MYH13: variants seen among roughly 807,000 people sequenced by gnomAD.
MYH13 encodes myosin-13.
In MYH13, 177 loss-of-function variants were observed where a neutral mutation model predicts 232.1. The observed-to-expected ratio is 0.76, with a 90% CI of 0.67 to 0.86. The LOEUF is 0.86. Among genes scored for constraint, MYH13 ranks in the 40% least tolerant of loss-of-function variants. The pLI, the probability that MYH13 is intolerant of heterozygous loss-of-function variation, is 0.00. For missense variants in MYH13, 2,246 were observed against 2,405.9 expected, an observed-to-expected ratio of 0.93 and a Z score of 1.39; for synonymous variants, 884 against 923.5, an observed-to-expected ratio of 0.96 and a Z score of 0.78.
chr17:10,360,266 T>C (rs2071781924), intron 5 of MYH13, 78 bp from the exon 6 acceptor site: 2 of 1,500,686 alleles, frequency 1.3e-6, no homozygotes, highest in Non-Finnish European at 1.8e-6. Context: ...TTGGGGGTGG[T>C]TGGAGAACAT....
At chr17:10,316,375 C>T (rs541519516) in intron 27 of MYH13, among the ~76,000 whole-genome samples, 3 of 152,056 alleles carry the variant, frequency 2.0e-5, no homozygotes, top group South Asian at 4.2e-4. Context: ...GCAGGAGAAT[C>T]GCTTGAACTC....
At chr17:10,364,889 T>C (rs938399920) in intron 2 of MYH13, among the ~76,000 whole-genome samples, 1 of 152,050 alleles carries the variant, frequency 6.6e-6, no homozygotes, top group Non-Finnish European at 1.5e-5. Context: ...TCTTTCTTTC[T>C]TTTGAGACAG....
chr17:10,328,189 C>T, intron 21 of MYH13, 68 bp from the exon 22 acceptor site: 2 of 1,537,618 alleles, frequency 1.3e-6, no homozygotes, highest in Non-Finnish European at 1.8e-6. Context: ...CCAACCTGTC[C>T]CCGACGGACC....
rs193198353 is a variant in MYH13 at position 10,313,368 on chromosome 17, C to T, written c.3985-14G>A. ...GGCGTTCTTGGCCTGGGAATGACAGCGGTGACAAATTGCAAAAACATTTGA... is the reference window on the plus strand; with the variant it reads ...GGCGTTCTTGGCCTGGGAATGACAGTGGTGACAAATTGCAAAAACATTTGA... On this transcript the variant is annotated splice_polypyrimidine_tract_variant and intron_variant, in intron 29 of 40. Transcript: ENST00000252172. 1.3e-4 allele frequency: 205 copies of T among 1,614,140 alleles called. 1 individual carries two copies. In the East Asian group the frequency reaches 4.0e-3, roughly 32 times the overall value.
rs760749244 is a variant in MYH13 at position 10,327,890 on chromosome 17, ATTC to A, written c.2664_2666del (p.Lys888del). Reference sequence around the variant, plus strand: ...CAGACTGGACCTGCAATTGGAGGTCATTCTTCTCCTGCAGGAGGGAGACCATTT... The same window carrying A: ...CAGACTGGACCTGCAATTGGAGGTCATTCTCCTGCAGGAGGGAGACCATTT... On this transcript the variant is annotated inframe_deletion, in exon 22 of 41. Transcript: ENST00000252172. 3.1e-6 allele frequency: 5 copies of A among 1,613,304 alleles called. No individual in the cohort carries two copies. Among genetic ancestry groups the A allele is most frequent in the South Asian group, 1.1e-5 (1 of 90,986 alleles).
In MYH13 at chr17:10,306,532, T is replaced by C. The variant is rs1597882095; in HGVS notation, c.5393A>G (p.Gln1798Arg). The C allele has an allele frequency of 6.2e-7, 1 of 1,614,122 alleles. No individual in the cohort carries two copies. The change falls in exon 37 of 41, where the codon CAG (glutamine) becomes CGG (arginine). Residue 1798 changes from glutamine (Q) to arginine (R), a missense_variant. By Grantham distance (43) the Gln-to-Arg change is conservative. Coordinates refer to ENST00000252172, the MANE Select transcript of MYH13 (RefSeq NM_003802.3). The surrounding 1 kb of genome is among the most constrained non-coding windows in gnomAD (Gnocchi z 4.3). ...TTGTTCAGCCTCATCTAGACGGTGCTGCAGGTCCTTCACCGTCTGCTCCAG... is the reference window on the plus strand; with the variant it reads ...TTGTTCAGCCTCATCTAGACGGTGCCGCAGGTCCTTCACCGTCTGCTCCAG... Reference protein sequence around the residue: ...KNLEQTVKDLQHRLDEAEQLA... With the variant: ...KNLEQTVKDLRHRLDEAEQLA...
At position 10,358,661 on chromosome 17, in the gene MYH13, G is replaced by A. The variant is rs561304588; in HGVS notation, c.646-834C>T. 2.0e-5 allele frequency among the ~76,000 whole-genome samples: 3 copies of A among 152,220 alleles called. 1 individual carries two copies. The highest frequency in any genetic ancestry group is 7.2e-5 in the African/African-American group (3 of 41,538). On this transcript the variant is annotated intron_variant, in intron 7 of 40. Transcript: ENST00000252172. ...AGTCTTAGCTACTTGGAAGGCTGAA[G>A]GATGATCGCTTGAGCCCAGGAGTTT...
In MYH13 at chr17:10,350,896, G is replaced by C. The variant is rs1597387011; in HGVS notation, c.1006-202C>G. ...GGGTGGGTGAAGACTATGGGAAAAA[G>C]ATGTGAATTGTCTGTTTCCTTCCAT... On this transcript the variant is annotated intron_variant, in intron 11 of 40. Transcript: ENST00000252172. The C allele has an allele frequency of 4.7e-6, 3 of 641,430 alleles. No homozygotes were observed. In the East Asian group the frequency reaches 1.1e-4, roughly 23 times the overall value. 39.7% of individuals were successfully genotyped at this position (641,430 alleles called of 1,614,324 possible). A position where few individuals can be genotyped will look rare whatever the true frequency, so the allele number is the denominator to read the frequency against.
chr17:10,337,072 G>A (rs1292030150), intron 18 of MYH13, among the ~76,000 whole-genome samples: 2 of 151,918 alleles, frequency 1.3e-5, no homozygotes, highest in South Asian at 2.1e-4. Flanking sequence ...GCACCACCAC[G>A]CCAGGCTAAT....
rs201932409 is a variant in MYH13, at chr17:10,313,304, G to C, written c.4035C>G (p.Asp1345Glu). The C allele has an allele frequency of 6.2e-7, 1 of 1,614,254 alleles. No homozygotes were observed. The highest frequency in any genetic ancestry group is 2.2e-5 in the East Asian group (1 of 44,878). Reference protein sequence around the residue: ...HALQSSRHDCDLLREQYEEEQ... With the variant: ...HALQSSRHDCELLREQYEEEQ... ...CCTCCTCATACTGTTCCCGCAGCAG[G>C]TCACAGTCGTGGCGGGAGGACTGCA... Residue 1345 changes from aspartate (D) to glutamate (E), a missense_variant, in exon 30 of 41, where the codon GAC becomes GAG. Coordinates refer to ENST00000252172, the MANE Select transcript of MYH13 (RefSeq NM_003802.3).
chr17:10,324,345 T>G (rs1355309445), intron 22 of MYH13, 81 bp from the exon 23 acceptor site: 6 of 1,548,500 alleles, frequency 3.9e-6, no homozygotes, highest in Non-Finnish European at 5.3e-6. Context: ...TCTAAAAGCT[T>G]ATTATCTACA....
chr17:10,317,031 C>T (rs992872456), intron 27 of MYH13, among the ~76,000 whole-genome samples: 5 of 152,112 alleles, frequency 3.3e-5, no homozygotes, highest in Non-Finnish European at 5.9e-5. Flanking sequence ...CAAGGAGAAT[C>T]GTCAAAGGGG....
At chr17:10,320,540 G>A (rs915762571) in intron 24 of MYH13, 44 bp from the exon 25 acceptor site, 4 of 1,585,624 alleles carry the variant, frequency 2.5e-6, no homozygotes, top group Admixed American at 1.8e-5. Flanking sequence ...TGCTGGGGAA[G>A]TGTTTGCCCC....
intron 8 of MYH13, among the ~76,000 whole-genome samples, chr17:10,356,839 G>C (rs1940575034): frequency 6.6e-6 from 1 of 152,202 alleles, no homozygotes; most frequent in Non-Finnish European, 1.5e-5. Flanking sequence ...AAATGAAATA[G>C]AGGGCTGGAT....
rs1906300292 is a variant in MYH13 at position 10,306,740 on chromosome 17, G to C, written c.5296-111C>G. 13 of 1,541,282 alleles carry C rather than the reference G, an allele frequency of 8.4e-6. No individual in the cohort carries two copies. Among genetic ancestry groups the C allele is most frequent in the Non-Finnish European group, 9.6e-6 (11 of 1,147,230 alleles). Reference sequence around the variant, plus strand: ...GTGCTGAGCCTCCCCTGTCTGACTGGGGCCAGTCATTGCTGATTCCCCACA... The same window carrying C: ...GTGCTGAGCCTCCCCTGTCTGACTGCGGCCAGTCATTGCTGATTCCCCACA... On this transcript the variant is annotated intron_variant, in intron 36 of 40. Coordinates refer to ENST00000252172, the MANE Select transcript of MYH13 (RefSeq NM_003802.3). This position sits in a 1 kb window ranked among gnomAD's most constrained non-coding sequence, Gnocchi z 4.3.
At chr17:10,361,746 G>A (rs548726363) in intron 5 of MYH13, among the ~76,000 whole-genome samples, 1 of 152,318 alleles carries the variant, frequency 6.6e-6, no homozygotes, top group South Asian at 2.1e-4. Context: ...GCCTGAGTTT[G>A]GGGAAGAACG....
chr17:10,348,657 T>C (rs2071685928), intron 12 of MYH13, among the ~76,000 whole-genome samples: 1 of 152,164 alleles, frequency 6.6e-6, no homozygotes, highest in East Asian at 1.9e-4. Flanking sequence ...CGTGTATCAA[T>C]GCAGTCCACT....
chr17:10,309,816 G>A lies in MYH13; in HGVS notation c.4671C>T (p.His1557=), dbSNP rs764908477. 3.2e-6 allele frequency: 5 copies of A among 1,579,772 alleles called. No individual in the cohort carries two copies. Among genetic ancestry groups the A allele is most frequent in the Non-Finnish European group, 4.3e-6 (5 of 1,161,648 alleles). The change falls in exon 34 of 41, where the codon CAC becomes CAT. Residue 1557 remains histidine (H), a synonymous_variant. Transcript: ENST00000252172. ...GCACGCGCAAGATCTTGCTCTCCTC[G>A]TGTTCCAAGGAACCCTGACGAAAGC... ...ALEEVEGSLE[H]EESKILRVQL...
chr17:10,340,376 G>T lies in MYH13; in HGVS notation c.1920C>A (p.Gly640=). The T allele has an allele frequency of 4.3e-6, 7 of 1,613,730 alleles. No homozygotes were observed. Among genetic ancestry groups the T allele is most frequent in the Non-Finnish European group, 5.9e-6 (7 of 1,179,782 alleles). Residue 640 remains glycine (G), a synonymous_variant, in exon 17 of 41, where the codon GGC becomes GGA. Transcript: ENST00000252172. ...ETGDSGGSKK[G]GKKKGSSFQT... is the part of the protein sequence containing the mutation. ...GGAAAGAGGAGCCCTTCTTCTTCCC[G>T]CCCTTCTTGCTTCCTCCGGAGTCGC... is the stretch of plus-strand genomic sequence containing the variant.
Sources: gnomAD v4.1 joint callset for allele counts (sites outside exome capture counted in the v4.1 genomes callset) on GRCh38, gnomAD v4.1.1 for gene constraint, Gnocchi (gnomAD v3.1) non-coding constraint, MANE v1.5 for transcripts, NCBI Gene and HGNC (gene_info 2026-07-23, HGNC 2026-07-21) for gene names.